The following TRPC4AP variants were observed in gnomAD, a reference collection of about 807,000 sequenced individuals.
TRPC4AP encodes transient receptor potential cation channel subfamily C member 4 associated protein.
TRPC4AP carries 45 observed loss-of-function variants against 99.0 expected under a neutral mutation model. The ratio of observed to expected loss-of-function variants is 0.45; its 90% CI spans 0.36 to 0.58. TRPC4AP has a LOEUF of 0.58. Among genes scored for constraint, TRPC4AP ranks in the 20% least tolerant of loss-of-function variants. The pLI is 0.00. For missense variants in TRPC4AP, 879 were observed against 985.3 expected (o/e 0.89, Z 1.44); for synonymous variants, 408 against 385.8 (o/e 1.06, Z -0.67).
rs771586907 is a variant in TRPC4AP at position 35,049,854 on chromosome 20, G to A, written c.657+12C>T. The A allele has an allele frequency of 6.2e-7, 1 of 1,610,798 alleles. No homozygotes were observed. The highest frequency in any genetic ancestry group is 8.5e-7 in the Non-Finnish European group (1 of 1,178,034). On this transcript the variant is annotated intron_variant, in intron 6 of 18. Coordinates refer to ENST00000252015, the MANE Select transcript of TRPC4AP (RefSeq NM_015638.3). ...CCCTTCCCCATCTGGTCAGCTAGAGGACACAGCTCACCTTTTTAACACCCA... is the reference window on the plus strand; with the variant it reads ...CCCTTCCCCATCTGGTCAGCTAGAGAACACAGCTCACCTTTTTAACACCCA...
intron 13 of TRPC4AP, among the ~76,000 whole-genome samples, chr20:35,008,245 A>G (rs918734159): frequency 1.3e-5 from 2 of 152,126 alleles, no homozygotes; most frequent in Admixed American, 6.5e-5. Context: ...GTATCTAAGG[A>G]CCTCAGAGAA....
chr20:35,081,250 T>A (rs1207219852), intron 1 of TRPC4AP, among the ~76,000 whole-genome samples: 1 of 152,018 alleles, frequency 6.6e-6, no homozygotes, highest in Non-Finnish European at 1.5e-5. Flanking sequence ...CAGGGCCTCA[T>A]GCATGTTACT....
intron 1 of TRPC4AP, among the ~76,000 whole-genome samples, chr20:35,084,874 A>G (rs2084794050): frequency 6.6e-6 from 1 of 152,054 alleles, no homozygotes; most frequent in South Asian, 2.1e-4. Flanking sequence ...TAATTGTACA[A>G]TATATGGCCC....
intron 2 of TRPC4AP, among the ~76,000 whole-genome samples, chr20:35,073,229 A>T (rs2084371815): frequency 1.3e-5 from 2 of 152,324 alleles, no homozygotes; most frequent in South Asian, 4.1e-4. Context: ...AAACAGGGAC[A>T]ATTTGACTTC....
chr20:35,063,002 C>A (rs1190092023), intron 3 of TRPC4AP, among the ~76,000 whole-genome samples: 1 of 152,234 alleles, frequency 6.6e-6, no homozygotes, highest in African/African-American at 2.4e-5. Flanking sequence ...TGTGCCCTCA[C>A]CCAAATCTCA....
chr20:35,028,541 TAC>T (rs2083086196), intron 8 of TRPC4AP, among the ~76,000 whole-genome samples: 1 of 152,246 alleles, frequency 6.6e-6, no homozygotes. Flanking sequence ...CATACTTTTG[TAC>T]AGTTTTAATC....
intron 1 of TRPC4AP, among the ~76,000 whole-genome samples, chr20:35,090,294 C>G (rs984018079): frequency 6.6e-6 from 1 of 151,170 alleles, no homozygotes; most frequent in African/African-American, 2.4e-5. Context: ...AGCTCCCACA[C>G]CTATATACAA....
intron 7 of TRPC4AP, among the ~76,000 whole-genome samples, chr20:35,040,985 A>G (rs981684926): frequency 6.6e-6 from 1 of 152,146 alleles, no homozygotes; most frequent in African/African-American, 2.4e-5. Flanking sequence ...GACACCAGAG[A>G]TCTCCGTCTC....
chr20:35,027,319 T>C (rs1006722273), intron 8 of TRPC4AP, among the ~76,000 whole-genome samples: 1 of 152,266 alleles, frequency 6.6e-6, no homozygotes, highest in African/African-American at 2.4e-5. Context: ...GTGGTTTTTG[T>C]CCTTTATTCT....
At chr20:35,035,524 C>G (rs899987598) in intron 7 of TRPC4AP, among the ~76,000 whole-genome samples, 1 of 152,158 alleles carries the variant, frequency 6.6e-6, no homozygotes, top group South Asian at 2.1e-4. Context: ...GGCTTTTTAT[C>G]TACTGGGAAT....
chr20:35,063,443 G>A (rs2084059148), intron 3 of TRPC4AP, among the ~76,000 whole-genome samples: 1 of 152,134 alleles, frequency 6.6e-6, no homozygotes, highest in Admixed American at 6.5e-5. Flanking sequence ...AGGGGAGATG[G>A]GGAGTGACTG....
At position 35,004,517 on chromosome 20, in the gene TRPC4AP, T is replaced by C. The variant is rs774102965; in HGVS notation, c.1990A>G (p.Thr664Ala). 2 of 1,614,106 alleles carry C rather than the reference T, an allele frequency of 1.2e-6. No homozygotes were observed. Among genetic ancestry groups the C allele is most frequent in the South Asian group, 1.1e-5 (1 of 91,060 alleles). The change falls in exon 17 of 19, where the codon ACG (threonine) becomes GCG (alanine). Residue 664 changes from threonine to alanine, a missense_variant. By Grantham distance (58) the Thr-to-Ala change is moderately conservative. This residue lies in a region of TRPC4AP where 224 missense variants were observed against 264.7 expected (regional missense o/e 0.85). Transcript: ENST00000252015. ...AGGCGGAAGAGGAAGGACATCTGCG[T>C]GGGCACCTGGGATATGTAGGCGAGC... The part of the protein sequence containing the change: ...RLLAYISQVP[T>A]QMSFLFRLIN...
Position 35,044,673 on chromosome 20 carries a change from A to T in TRPC4AP, c.697T>A (p.Leu233Ile). 6.2e-7 allele frequency: 1 copy of T among 1,614,228 alleles called. No individual in the cohort carries two copies. Among genetic ancestry groups the T allele is most frequent in the Non-Finnish European group, 8.5e-7 (1 of 1,180,048 alleles). ...TGCTGCTGATCGAAATTGGATACTA[A>T]GGAACTCAGATTGGGGACTTCATCT... ...RLDEVPNLSS[L>I]VSNFDQQQLA... is the part of the protein sequence containing the mutation. Residue 233 changes from leucine (L) to isoleucine (I), a missense_variant, in exon 7 of 19, where the codon TTA becomes ATA. By Grantham distance (5) the Leu-to-Ile change is conservative. This residue lies in a region of TRPC4AP where 603 missense variants were observed against 631.8 expected (regional missense o/e 0.95). Coordinates refer to ENST00000252015, the MANE Select transcript of TRPC4AP (RefSeq NM_015638.3).
chr20:35,024,825 CAAA>C lies in TRPC4AP; in HGVS notation c.1052-3472_1052-3470del, dbSNP rs778161091. Among the ~76,000 whole-genome samples, 302 of 35,868 alleles carry C rather than the reference CAAA, an allele frequency of 8.4e-3. 45 individuals carry two copies. Among genetic ancestry groups the C allele is most frequent in the Non-Finnish European group, 0.01 (209 of 19,966 alleles). 23.5% of individuals were successfully genotyped at this position (35,868 alleles called of 152,430 possible). On this transcript the variant is annotated intron_variant, in intron 8 of 18. Coordinates refer to ENST00000252015, the MANE Select transcript of TRPC4AP (RefSeq NM_015638.3). ...CCTAGGTGACAGAGAGAGACCGTCT[CAAA>C]AAAAAAAAAAAAAAAAAAAAAAAAA...
intron 3 of TRPC4AP, 142 bp downstream of exon 3, chr20:35,069,154 A>C (rs941066463): frequency 4.0e-5 from 24 of 606,756 alleles, no homozygotes; most frequent in Non-Finnish European, 6.0e-5. Context: ...CTGCTTCAAC[A>C]TGTAAATGCC....
At chr20:35,070,604 G>T (rs913376516) in intron 2 of TRPC4AP, among the ~76,000 whole-genome samples, 1 of 152,032 alleles carries the variant, frequency 6.6e-6, no homozygotes, top group Non-Finnish European at 1.5e-5. Context: ...TAGAGACGGG[G>T]TTTCACCGTG....
intron 11 of TRPC4AP, among the ~76,000 whole-genome samples, chr20:35,012,475 G>A (rs1200998944): frequency 6.6e-6 from 1 of 152,230 alleles, no homozygotes; most frequent in African/African-American, 2.4e-5. Context: ...AGGGTCAGCT[G>A]CTAGTCACCC....
chr20:35,084,449 T>C (rs925514173), intron 1 of TRPC4AP, among the ~76,000 whole-genome samples: 4 of 149,520 alleles, frequency 2.7e-5, no homozygotes, highest in African/African-American at 2.4e-5. Flanking sequence ...AAAGGGTATA[T>C]GTATATATGT....
At chr20:35,059,674 GAA>G (rs2083929226) in intron 3 of TRPC4AP, among the ~76,000 whole-genome samples, 1 of 57,124 alleles carries the variant, frequency 1.8e-5, no homozygotes, top group Admixed American at 3.3e-4. Flanking sequence ...AGAAAAAAAA[GAA>G]GAAGAAGAAG....
Sources: gnomAD v4.1 joint callset for allele counts (sites outside exome capture counted in the v4.1 genomes callset) on GRCh38, gnomAD v4.1.1 for gene constraint, gnomAD v4.1.1 regional missense constraint, MANE v1.5 for transcripts, NCBI Gene and HGNC (gene_info 2026-07-23, HGNC 2026-07-21) for gene names.